NELL1: variants seen among roughly 807,000 people sequenced by gnomAD.
NELL1 encodes protein kinase C-binding protein NELL1.
In NELL1, 76 loss-of-function variants were observed where a neutral mutation model predicts 107.4. The observed-to-expected ratio is 0.71, with a 90% CI of 0.59 to 0.86. The LOEUF is 0.86. Among genes scored for constraint, NELL1 ranks in the 40% least tolerant of loss-of-function variants. NELL1 has a pLI of 0.00. For synonymous variants in NELL1, 353 were observed against 341.2 expected, an observed-to-expected ratio of 1.03 and a Z score of -0.38; for missense variants, 1,024 against 1,005.5, an observed-to-expected ratio of 1.02 and a Z score of -0.25.
intron 4 of NELL1, among the ~76,000 whole-genome samples, chr11:20,852,839 T>C (rs1203567944): frequency 6.6e-6 from 1 of 152,124 alleles, no homozygotes; most frequent in Non-Finnish European, 1.5e-5. Flanking sequence ...TAGGAAGAGA[T>C]GGGAAGCAAG....
chr11:21,426,632 A>G (rs1009863245), intron 15 of NELL1, among the ~76,000 whole-genome samples: 1 of 152,200 alleles, frequency 6.6e-6, no homozygotes, highest in Non-Finnish European at 1.5e-5. Context: ...TGCATTAGGT[A>G]GGTTGATTCT....
chr11:20,975,581 C>CACATATGTATATATAATGTATTATATAT lies in NELL1; in HGVS notation c.1300+15030_1300+15031insTATATAATGTATTATATATACATATGTA, dbSNP rs1554952832. Among the ~76,000 whole-genome samples the CACATATGTATATATAATGTATTATATAT allele has an allele frequency of 1.7e-3, 224 of 131,784 alleles. 9 individuals are homozygous for CACATATGTATATATAATGTATTATATAT. The highest frequency in any genetic ancestry group is 3.9e-3 in the Admixed American group (51 of 13,088). The allele number at this position is 131,784 out of a possible 152,430, so 86.5% of individuals were successfully genotyped here. A position where few individuals can be genotyped will look rare whatever the true frequency, so the allele number is the denominator to read the frequency against. On this transcript the variant is annotated intron_variant, in intron 12 of 19. Coordinates refer to ENST00000357134, the MANE Select transcript of NELL1 (RefSeq NM_006157.5). ...ATGTACAGATATAATGTATTATATA[C>CACATATGTATATATAATGTATTATATAT]ACATATGTAGATATAATGTATTATA... is the stretch of plus-strand genomic sequence containing the variant.
At chr11:21,429,223 T>C (rs1275380824) in intron 15 of NELL1, among the ~76,000 whole-genome samples, 2 of 152,180 alleles carry the variant, frequency 1.3e-5, no homozygotes, top group African/African-American at 4.8e-5. Context: ...TTAAAACACT[T>C]GAAATTAAAC....
At chr11:20,926,448 A>G (rs1295482533) in intron 7 of NELL1, among the ~76,000 whole-genome samples, 3 of 151,538 alleles carry the variant, frequency 2.0e-5, no homozygotes, top group African/African-American at 7.3e-5. Flanking sequence ...GTATGGCAGG[A>G]AAAAAAGAAA....
At chr11:21,269,304 G>T (rs2133932481) in intron 14 of NELL1, among the ~76,000 whole-genome samples, 1 of 151,572 alleles carries the variant, frequency 6.6e-6, no homozygotes, top group South Asian at 2.1e-4. Flanking sequence ...ATGTATTCAG[G>T]AAGCTCAGAG....
chr11:21,547,588 A>C (rs1404198227), intron 16 of NELL1, among the ~76,000 whole-genome samples: 1 of 151,926 alleles, frequency 6.6e-6, no homozygotes, highest in African/African-American at 2.4e-5. Context: ...TAATTACGCA[A>C]ATGTAGTAGT....
intron 14 of NELL1, among the ~76,000 whole-genome samples, chr11:21,345,643 A>G (rs774762943): frequency 6.6e-6 from 1 of 152,220 alleles, no homozygotes; most frequent in Admixed American, 6.5e-5. Context: ...CTTGTCTACT[A>G]TAACATGCAA....
At chr11:20,697,083 A>G (rs76838212) in intron 2 of NELL1, among the ~76,000 whole-genome samples, 4,282 of 152,302 alleles carry the variant, frequency 0.028, 86 homozygotes, top group Middle Eastern at 0.044. Flanking sequence ...ACTTACAAGG[A>G]GGCAACTTTA....
chr11:21,257,552 A>G (rs938480938), intron 14 of NELL1, among the ~76,000 whole-genome samples: 2 of 151,968 alleles, frequency 1.3e-5, no homozygotes, highest in South Asian at 4.1e-4. Flanking sequence ...ACAACCTAGT[A>G]TGTCAGAGAG....
chr11:21,530,107 C>T (rs1254912001), intron 15 of NELL1, among the ~76,000 whole-genome samples: 3 of 152,236 alleles, frequency 2.0e-5, no homozygotes, highest in South Asian at 4.2e-4. Context: ...TGTACTAGCA[C>T]ATGGTGGGTG....
At chr11:21,054,140 GA>G (rs1179376486) in intron 12 of NELL1, among the ~76,000 whole-genome samples, 8 of 151,926 alleles carry the variant, frequency 5.3e-5, no homozygotes, top group African/African-American at 1.9e-4. Context: ...ATTTTGATTT[GA>G]ACTCTTCCAA....
At chr11:21,128,049 C>T (rs1344062631) in intron 13 of NELL1, among the ~76,000 whole-genome samples, 1 of 152,064 alleles carries the variant, frequency 6.6e-6, no homozygotes, top group Non-Finnish European at 1.5e-5. Context: ...CTCAACCAGC[C>T]CAACACAGGG....
At chr11:20,763,062 G>A (rs1856457093) in intron 2 of NELL1, among the ~76,000 whole-genome samples, 1 of 151,954 alleles carries the variant, frequency 6.6e-6, no homozygotes, top group Non-Finnish European at 1.5e-5. Context: ...GTGGATGCAG[G>A]GCTTAGTGAC....
At chr11:21,083,768 T>C (rs1183849815) in intron 12 of NELL1, among the ~76,000 whole-genome samples, 1 of 152,226 alleles carries the variant, frequency 6.6e-6, no homozygotes, top group African/African-American at 2.4e-5. Context: ...ACTTTAAACT[T>C]GGGTCTTATT....
intron 15 of NELL1, among the ~76,000 whole-genome samples, chr11:21,401,734 G>A (rs1259447852): frequency 6.6e-6 from 1 of 151,708 alleles, no homozygotes; most frequent in Non-Finnish European, 1.5e-5. Context: ...CCTTGCAGTA[G>A]GTAACATGAG....
At chr11:21,203,288 T>G (rs1490050250) in intron 13 of NELL1, among the ~76,000 whole-genome samples, 1 of 152,198 alleles carries the variant, frequency 6.6e-6, no homozygotes, top group African/African-American at 2.4e-5. Flanking sequence ...GAACTTGCTT[T>G]TTGAATCTGG....
At chr11:21,046,554 A>G (rs577129038) in intron 12 of NELL1, among the ~76,000 whole-genome samples, 3 of 152,264 alleles carry the variant, frequency 2.0e-5, no homozygotes, top group East Asian at 3.9e-4. Flanking sequence ...TTCTTTTCTT[A>G]TCAATACTCA....
At chr11:21,496,372 A>G (rs1015296188) in intron 15 of NELL1, among the ~76,000 whole-genome samples, 1 of 146,642 alleles carries the variant, frequency 6.8e-6, no homozygotes, top group African/African-American at 2.5e-5. Flanking sequence ...TCTTTTTTCA[A>G]TAGGTACAAT....
intron 4 of NELL1, among the ~76,000 whole-genome samples, chr11:20,863,028 T>C (rs930390169): frequency 6.6e-5 from 10 of 152,188 alleles, no homozygotes; most frequent in Admixed American, 5.2e-4. Context: ...AGCAACAATC[T>C]GATTTCTCTT....
Sources: gnomAD v4.1 joint callset for allele counts (sites outside exome capture counted in the v4.1 genomes callset) on GRCh38, gnomAD v4.1.1 for gene constraint, MANE v1.5 for transcripts, NCBI Gene and HGNC (gene_info 2026-07-23, HGNC 2026-07-21) for gene names.